The following CFAP54 variants were observed in gnomAD, a reference collection of about 807,000 sequenced individuals.
CFAP54 encodes cilia- and flagella-associated protein 54.
CFAP54 carries 290 observed loss-of-function variants against 370.4 expected under a neutral mutation model. The observed-to-expected ratio is 0.78, with a 90% CI of 0.71 to 0.86. The LOEUF (loss-of-function observed/expected upper bound fraction) is 0.86, where lower values mean the gene tolerates loss of function less well. Ranked by LOEUF, CFAP54 falls within the 40% of genes least tolerant of loss-of-function variation. The pLI is 0.00. For missense variants in CFAP54, 3,399 were observed against 3,528.7 expected (o/e 0.96, Z 0.93); for synonymous variants, 1,206 against 1,236.5 (o/e 0.98, Z 0.52).
chr12:96,727,285 C>T (rs1957853758), intron 50 of CFAP54, among the ~76,000 whole-genome samples: 1 of 152,080 alleles, frequency 6.6e-6, no homozygotes, highest in Non-Finnish European at 1.5e-5. Flanking sequence ...ATGTTAAAGT[C>T]TCCCATTATT....
At chr12:96,684,409 C>T (rs755494482) in intron 40 of CFAP54, among the ~76,000 whole-genome samples, 10 of 152,096 alleles carry the variant, frequency 6.6e-5, no homozygotes, top group Non-Finnish European at 1.0e-4. Flanking sequence ...AGTTTTATTC[C>T]CATGATGCCC....
At chr12:96,533,568 C>T (rs1955465427) in intron 9 of CFAP54, among the ~76,000 whole-genome samples, 1 of 152,238 alleles carries the variant, frequency 6.6e-6, no homozygotes, top group South Asian at 2.1e-4. Context: ...GTATCCTTCC[C>T]TAACTGCCCT....
intron 33 of CFAP54, chr12:96,645,397 G>A: frequency 3.5e-6 from 1 of 285,004 alleles, no homozygotes; most frequent in South Asian, 3.4e-5. Context: ...TACAAGGGAT[G>A]TGAAGGACCT....
intron 51 of CFAP54, among the ~76,000 whole-genome samples, chr12:96,740,958 C>T (rs1958044404): frequency 6.6e-6 from 1 of 152,150 alleles, no homozygotes; most frequent in Non-Finnish European, 1.5e-5. Flanking sequence ...CTAAATAGGT[C>T]AGTAGTGCTG....
intron 13 of CFAP54, among the ~76,000 whole-genome samples, chr12:96,539,064 G>T (rs866692146): frequency 0.015 from 1,657 of 111,830 alleles, 55 homozygotes; most frequent in African/African-American, 0.056. Flanking sequence ...GCCTTTTCAG[G>T]TTTTTTTTTT....
At chr12:96,788,364 A>C (rs1265499092) in intron 62 of CFAP54, among the ~76,000 whole-genome samples, 1 of 152,230 alleles carries the variant, frequency 6.6e-6, no homozygotes, top group Non-Finnish European at 1.5e-5. Context: ...TGGACATAGC[A>C]TATTGTAAGC....
intron 50 of CFAP54, among the ~76,000 whole-genome samples, chr12:96,732,202 C>T (rs937343370): frequency 2.2e-4 from 33 of 151,964 alleles, no homozygotes; most frequent in African/African-American, 7.3e-4. Flanking sequence ...CTCAGCTCAC[C>T]GCAACCTCTG....
chr12:96,743,129 C>T (rs1428659143), intron 52 of CFAP54, among the ~76,000 whole-genome samples: 1 of 152,106 alleles, frequency 6.6e-6, no homozygotes, highest in Non-Finnish European at 1.5e-5. Flanking sequence ...TATTTGTATA[C>T]CTATCTATTC....
At chr12:96,852,247 T>C (rs1382846293) in intron 66 of CFAP54, among the ~76,000 whole-genome samples, 4 of 152,056 alleles carry the variant, frequency 2.6e-5, no homozygotes, top group African/African-American at 7.2e-5. Flanking sequence ...GAGATTGCTG[T>C]AAGTATAGAT....
rs1355551097 is a variant in CFAP54, at chr12:96,489,833, G to T, written c.224G>T (p.Cys75Phe). The T allele has an allele frequency of 6.5e-7, 1 of 1,536,152 alleles. No individual in the cohort carries two copies. The highest frequency in any genetic ancestry group is 2.0e-5 in the Admixed American group (1 of 50,996). ...LDAKNPLLAS[C>F]EKEIQELLGF... Reference sequence around the variant, plus strand: ...GCGAAAAACCCGCTCCTGGCCTCTTGTGAGAAGGAGATCCAGGAGTTGTTA... The same window carrying T: ...GCGAAAAACCCGCTCCTGGCCTCTTTTGAGAAGGAGATCCAGGAGTTGTTA... The change falls in exon 1 of 68, where the codon TGT (cysteine) becomes TTT (phenylalanine). Residue 75 changes from cysteine to phenylalanine, a missense_variant. Physicochemically the swap from Cys to Phe is radical, Grantham distance 205. This residue lies in a region of CFAP54 where 559 missense variants were observed against 576.7 expected (regional missense o/e 0.97). Transcript: ENST00000524981.
intron 66 of CFAP54, 114 bp from the exon 67 acceptor site, chr12:96,860,705 C>T (rs2136463120): frequency 2.7e-6 from 3 of 1,091,460 alleles, no homozygotes; most frequent in East Asian, 5.4e-5. Flanking sequence ...CTGAGACACA[C>T]AAGTTAGCTA....
At chr12:96,495,192 A>G (rs904157973) in intron 1 of CFAP54, among the ~76,000 whole-genome samples, 17 of 152,162 alleles carry the variant, frequency 1.1e-4, no homozygotes, top group African/African-American at 3.9e-4. Context: ...ATAAGCACAT[A>G]AGATTGAGGT....
At chr12:96,516,442 A>G (rs1159058732) in intron 5 of CFAP54, among the ~76,000 whole-genome samples, 3 of 152,154 alleles carry the variant, frequency 2.0e-5, no homozygotes, top group African/African-American at 7.2e-5. Context: ...ATTTTCTGAT[A>G]TAACCCTATC....
chr12:96,824,739 A>T (rs11108706), intron 65 of CFAP54, among the ~76,000 whole-genome samples: 47 of 152,068 alleles, frequency 3.1e-4, no homozygotes, highest in Non-Finnish European at 4.1e-4. Context: ...AAACTGTTTG[A>T]GTGGTGTCCT....
chr12:96,874,612 CTTTTTTTTATTTTTATTTTATT>C lies in CFAP54; in HGVS notation c.*15-497_*15-476del, dbSNP rs1392897047. Among the ~76,000 whole-genome samples, 28 of 40,074 alleles carry C rather than the reference CTTTTTTTTATTTTTATTTTATT, an allele frequency of 7.0e-4. 6 individuals carry two copies. Among genetic ancestry groups the C allele is most frequent in the African/African-American group, 2.1e-3 (22 of 10,390 alleles). 26.3% of individuals were successfully genotyped at this position (40,074 alleles called of 152,430 possible). On this transcript the variant is annotated intron_variant, in intron 67 of 67. Transcript: ENST00000524981. Reference sequence around the variant, plus strand: ...GTTCTGTTCTGTTTTGGGATCTCTGCTTTTTTTTATTTTTATTTTATTTTTTTTTTTTTTTGAGACGGAGTCT... The same window carrying C: ...GTTCTGTTCTGTTTTGGGATCTCTGCTTTTTTTTTTTTTGAGACGGAGTCT...
intron 66 of CFAP54, among the ~76,000 whole-genome samples, chr12:96,851,719 G>T (rs555397188): frequency 6.6e-6 from 1 of 151,994 alleles, no homozygotes; most frequent in African/African-American, 2.4e-5. Context: ...AATAGTACAG[G>T]ATATAAGTAA....
intron 50 of CFAP54, among the ~76,000 whole-genome samples, chr12:96,734,889 T>G (rs138917211): frequency 6.6e-6 from 1 of 152,336 alleles, no homozygotes; most frequent in African/African-American, 2.4e-5. Flanking sequence ...ACAAGATTTT[T>G]ACTTCAAGTA....
At chr12:96,874,419 C>T (rs1960240690) in intron 67 of CFAP54, among the ~76,000 whole-genome samples, 1 of 152,090 alleles carries the variant, frequency 6.6e-6, no homozygotes, top group Non-Finnish European at 1.5e-5. Context: ...TCCTGCTGGA[C>T]AATGGCACAA....
chr12:96,556,922 G>C (rs142879764), intron 17 of CFAP54, among the ~76,000 whole-genome samples: 6 of 152,240 alleles, frequency 3.9e-5, no homozygotes, highest in African/African-American at 1.2e-4. Flanking sequence ...GGTGGGATGA[G>C]GGAGAAGGTC....
Sources: gnomAD v4.1 joint callset for allele counts (sites outside exome capture counted in the v4.1 genomes callset) on GRCh38, gnomAD v4.1.1 for gene constraint, gnomAD v4.1.1 regional missense constraint, MANE v1.5 for transcripts, NCBI Gene and HGNC (gene_info 2026-07-23, HGNC 2026-07-21) for gene names.